Variants in GRAP2 observed in about 807,000 individuals in gnomAD.
GRAP2 encodes the protein GRB2-related adapter protein 2.
Under a neutral mutation model 43.5 loss-of-function variants are expected in GRAP2, and 31 were observed. That is an observed-to-expected ratio of 0.71 (90% confidence interval 0.54 to 0.96). The LOEUF (loss-of-function observed/expected upper bound fraction) is 0.96. Among genes scored for constraint, GRAP2 ranks in the 40% least tolerant of loss-of-function variants. The pLI is 0.00. For missense variants in GRAP2, 371 were observed against 424.4 expected, an observed-to-expected ratio of 0.87 and a Z score of 1.11; for synonymous variants, 156 against 164.8, an observed-to-expected ratio of 0.95 and a Z score of 0.41.
chr22:39,939,259 G>A (rs985443295), intron 1 of GRAP2, among the ~76,000 whole-genome samples: 7 of 152,156 alleles, frequency 4.6e-5, no homozygotes, highest in African/African-American at 1.4e-4. Context: ...CTGGGATCTC[G>A]AACCTGAGAA....
intron 1 of GRAP2, among the ~76,000 whole-genome samples, chr22:39,932,726 A>AG (rs1232051708): frequency 1.3e-5 from 2 of 151,930 alleles, no homozygotes; most frequent in Admixed American, 6.6e-5. Flanking sequence ...CAAAAAAAAA[A>AG]AAAAAAAGTA....
upstream of GRAP2, among the ~76,000 whole-genome samples, chr22:39,899,680 C>T (rs1003912985): frequency 2.6e-5 from 4 of 152,008 alleles, no homozygotes; most frequent in African/African-American, 9.7e-5. Flanking sequence ...AAAAAGAAAG[C>T]CTGTTATTAA....
chr22:39,938,167 C>T (rs1313617362), intron 1 of GRAP2, among the ~76,000 whole-genome samples: 2 of 152,122 alleles, frequency 1.3e-5, no homozygotes, highest in African/African-American at 4.8e-5. Context: ...TCTCTACTTC[C>T]CTCCCTTCAC....
At chr22:39,894,573 A>G in the GRAP2 span, among the ~76,000 whole-genome samples, 1 of 152,202 alleles carries the variant, frequency 6.6e-6, no homozygotes, top group African/African-American at 2.4e-5. Flanking sequence ...CCAGCACGTG[A>G]TTGCCACCTC....
At chr22:39,922,473 A>G (rs756756771) in intron 1 of GRAP2, among the ~76,000 whole-genome samples, 1 of 152,210 alleles carries the variant, frequency 6.6e-6, no homozygotes, top group Admixed American at 6.5e-5. Context: ...CACAGGGTCA[A>G]GGAAGGGAGC....
intron 6 of GRAP2, among the ~76,000 whole-genome samples, chr22:39,969,055 T>A (rs566863876): frequency 9.8e-5 from 15 of 152,328 alleles, no homozygotes; most frequent in African/African-American, 3.6e-4. Flanking sequence ...ATTTCTTCTC[T>A]CTGCTCACTT....
intron 4 of GRAP2, chr22:39,964,372 G>A (rs1601741273): frequency 2.7e-6 from 2 of 727,288 alleles, no homozygotes; most frequent in East Asian, 2.6e-5. Flanking sequence ...GGCGGCAGGC[G>A]CCATGTCCAG....
intron 5 of GRAP2, among the ~76,000 whole-genome samples, chr22:39,966,990 ACACACT>A (rs1482270081): frequency 1.8e-5 from 1 of 57,124 alleles, no homozygotes; most frequent in Non-Finnish European, 3.6e-5. Context: ...TCACACATGC[ACACACT>A]CACACACACA....
upstream of GRAP2, among the ~76,000 whole-genome samples, chr22:39,898,902 TAAAC>T (rs2066475923): frequency 1.3e-5 from 2 of 152,298 alleles, no homozygotes; most frequent in East Asian, 1.9e-4. Flanking sequence ...AAAAAAATTT[TAAAC>T]AAAGTATGGT....
chr22:39,943,575 G>C (rs569759804), intron 1 of GRAP2, among the ~76,000 whole-genome samples: 8 of 152,224 alleles, frequency 5.3e-5, no homozygotes, highest in African/African-American at 1.9e-4. Context: ...TGCTGCTGGA[G>C]GTGGTTTGGC....
At position 39,960,098 on chromosome 22, in the gene GRAP2, C is replaced by T. The variant is rs1166694576; in HGVS notation, c.214C>T (p.Leu72Phe). Reference protein sequence around the residue: ...GLSRHQAENLLMGKEVGFFII... With the variant: ...GLSRHQAENLFMGKEVGFFII... ...CTCTCGACACCAGGCAGAGAACTTA[C>T]TCATGGGCAAGGAGGTTGGCTTCTT... Residue 72 changes from leucine (L) to phenylalanine (F), a missense_variant, in exon 4 of 8, where the codon CTC becomes TTC. Transcript: ENST00000344138. 1.2e-6 allele frequency: 2 copies of T among 1,612,684 alleles called. No homozygotes were observed. Among genetic ancestry groups the T allele is most frequent in the Non-Finnish European group, 1.7e-6 (2 of 1,178,764 alleles).
At chr22:39,956,004 A>G (rs1184230694) in intron 3 of GRAP2, 94 bp downstream of exon 3, 5 of 719,494 alleles carry the variant, frequency 6.9e-6, no homozygotes, top group Non-Finnish European at 1.3e-5. Flanking sequence ...AACCCAAGAC[A>G]TTGTCAAAAA....
In GRAP2 at chr22:39,970,908, G is replaced by A. The variant is rs544908309; in HGVS notation, c.817G>A (p.Val273Met). 6.2e-7 allele frequency: 1 copy of A among 1,601,190 alleles called. No homozygotes were observed. The highest frequency in any genetic ancestry group is 1.8e-5 in the Admixed American group (1 of 56,952). Reference protein sequence around the residue: ...DPVQLQAAGRVRWARALYDFE... With the variant: ...DPVQLQAAGRMRWARALYDFE... The stretch of plus-strand genomic sequence containing the variant: ...TCTTCTGTGCTTCCCCCAACAGCGA[G>A]TGCGGTGGGCCCGGGCGCTGTATGA... Residue 273 changes from valine to methionine, a missense_variant, in exon 8 of 8, where the codon GTG becomes ATG. Physicochemically the swap from Val to Met is conservative, Grantham distance 21. Transcript: ENST00000344138.
At chr22:39,924,365 C>T (rs1349883526) in intron 1 of GRAP2, among the ~76,000 whole-genome samples, 4 of 152,164 alleles carry the variant, frequency 2.6e-5, no homozygotes, top group South Asian at 4.1e-4. Flanking sequence ...ATCATCACCA[C>T]GGTCGTACTT....
intron 1 of GRAP2, among the ~76,000 whole-genome samples, chr22:39,927,265 G>A (rs1233057576): frequency 4.6e-5 from 7 of 152,136 alleles, no homozygotes; most frequent in Non-Finnish European, 1.0e-4. Context: ...CTCTCGGCCC[G>A]CCGGCATGTG....
chr22:39,966,062 G>T lies in GRAP2; in HGVS notation c.363G>T (p.Lys121Asn). ...GTAATTACTTTCTGTGGACTGAGAAGTTTCCATCCCTAAATAAGCTGGTAG... is the reference window on the plus strand; with the variant it reads ...GTAATTACTTTCTGTGGACTGAGAATTTTCCATCCCTAAATAAGCTGGTAG... ...NKGNYFLWTE[K>N]FPSLNKLVDY... Residue 121 changes from lysine (K) to asparagine (N), a missense_variant, in exon 5 of 8, where the codon AAG (lysine) becomes AAT (asparagine). Coordinates refer to ENST00000344138, the MANE Select transcript of GRAP2 (RefSeq NM_004810.4). 1.2e-6 allele frequency: 2 copies of T among 1,613,706 alleles called. No homozygotes were observed. The highest frequency in any genetic ancestry group is 1.7e-6 in the Non-Finnish European group (2 of 1,179,562).
At chr22:39,912,947 CTT>C (rs1170920021) in intron 1 of GRAP2, among the ~76,000 whole-genome samples, 1 of 152,032 alleles carries the variant, frequency 6.6e-6, no homozygotes, top group African/African-American at 2.4e-5. Context: ...AATCCCAGCA[CTT>C]TGGGTGTCCG....
upstream of GRAP2, among the ~76,000 whole-genome samples, chr22:39,897,412 C>G (rs1426092410): frequency 6.6e-6 from 1 of 151,958 alleles, no homozygotes; most frequent in African/African-American, 2.4e-5. Flanking sequence ...TGTTTCTAGA[C>G]TTTATGATCA....
chr22:39,937,474 T>C (rs1485350446), intron 1 of GRAP2, among the ~76,000 whole-genome samples: 3 of 152,200 alleles, frequency 2.0e-5, no homozygotes, highest in African/African-American at 7.2e-5. Flanking sequence ...AGCTAGCGCC[T>C]GCCCAGGGAA....
Sources: allele counts gnomAD v4.1 joint callset (sites outside exome capture counted in the v4.1 genomes callset), GRCh38; gene constraint gnomAD v4.1.1; transcripts MANE v1.5; gene names NCBI Gene and HGNC (gene_info 2026-07-23, HGNC 2026-07-21).